The following DNAH3 variants were observed in gnomAD, a reference collection of about 807,000 sequenced individuals.
The protein encoded by DNAH3 is dynein axonemal heavy chain 3.
A neutral mutation model predicts 432.5 loss-of-function variants in DNAH3; 332 were observed. The ratio of observed to expected loss-of-function variants is 0.77; its 90% CI spans 0.70 to 0.84. The LOEUF (loss-of-function observed/expected upper bound fraction) is 0.84, where lower values mean the gene tolerates loss of function less well. DNAH3 is among the 40% of genes least tolerant of loss of function. DNAH3 has a pLI of 0.00. For missense variants in DNAH3, 4,861 were observed against 5,114.0 expected (o/e 0.95, Z 1.51); for synonymous variants, 1,956 against 1,900.2 (o/e 1.03, Z -0.76).
At chr16:21,025,271 T>A (rs1597171426) in intron 38 of DNAH3, among the ~76,000 whole-genome samples, 1 of 151,556 alleles carries the variant, frequency 6.6e-6, no homozygotes, top group East Asian at 1.9e-4. Context: ...TTTATTTTAG[T>A]TGTTTTTAAC....
rs761632207 is a variant in DNAH3 at position 21,037,943 on chromosome 16, A to G, written c.4768T>C (p.Ser1590Pro). Residue 1590 changes from serine (S) to proline (P), a missense_variant, in exon 34 of 62, where the codon TCG (serine) becomes CCG (proline). Physicochemically the swap from Ser to Pro is moderately conservative, Grantham distance 74. Transcript: ENST00000261383. ...TGATGCTGAGAGGACAGTTGTTCCG[A>G]GCACAGGCGGTAGGTCGCAACGATC... is the stretch of plus-strand genomic sequence containing the variant. The G allele has an allele frequency of 1.9e-6, 3 of 1,614,152 alleles. No individual in the cohort carries two copies. The East Asian group carries it at 6.7e-5, about 36-fold the overall frequency.
chr16:20,985,581 C>T (rs774524083), exon 48 of DNAH3: 91 of 1,614,080 alleles, frequency 5.6e-5, no homozygotes, highest in Non-Finnish European at 1.0e-5. Flanking sequence ...GCTCCATGAC[C>T]ACAGTCAGCT....
At chr16:20,989,933 G>A (rs1024544061) in intron 44 of DNAH3, among the ~76,000 whole-genome samples, 1 of 152,220 alleles carries the variant, frequency 6.6e-6, no homozygotes, top group African/African-American at 2.4e-5. Flanking sequence ...CGGCTGCTCC[G>A]AGTGCGGGGC....
intron 35 of DNAH3, 116 bp from the exon 36 acceptor site, chr16:21,034,201 T>C: frequency 4.6e-6 from 3 of 654,260 alleles, no homozygotes. Context: ...CAGTTGCTTC[T>C]ACCTCTGGAG....
chr16:20,990,098 C>CGGT (rs1283509775), intron 44 of DNAH3, among the ~76,000 whole-genome samples: 1 of 152,252 alleles, frequency 6.6e-6, no homozygotes, highest in African/African-American at 2.4e-5. Flanking sequence ...CATAGTGCAG[C>CGGT]GGTGGGCTGA....
intron 22 of DNAH3, among the ~76,000 whole-genome samples, chr16:21,070,178 A>G (rs2152762053): frequency 6.6e-6 from 1 of 152,330 alleles, no homozygotes; most frequent in Admixed American, 6.5e-5. Context: ...TATTTGGTGC[A>G]TTCAAATGCC....
At chr16:21,140,694 T>C (rs1334393073) in exon 5 of DNAH3, 1 of 1,614,086 alleles carries the variant, frequency 6.2e-7, no homozygotes, top group Non-Finnish European at 8.5e-7. Context: ...ATTGACGTCT[T>C]GAAGGCCAAC....
At chr16:21,143,559 C>A (rs2092746906) in intron 3 of DNAH3, among the ~76,000 whole-genome samples, 1 of 152,170 alleles carries the variant, frequency 6.6e-6, no homozygotes, top group African/African-American at 2.4e-5. Context: ...TTTGTTATAG[C>A]AGCCCAAAAG....
chr16:21,079,370 TC>T (rs1345675663), intron 20 of DNAH3, among the ~76,000 whole-genome samples: 1 of 152,206 alleles, frequency 6.6e-6, no homozygotes, highest in African/African-American at 2.4e-5. Context: ...ACGCCTGTAA[TC>T]CCAGTACTTT....
At chr16:21,032,286 G>A (rs1161934118) in intron 36 of DNAH3, among the ~76,000 whole-genome samples, 1 of 152,134 alleles carries the variant, frequency 6.6e-6, no homozygotes, top group Non-Finnish European at 1.5e-5. Context: ...GAAAAATGAT[G>A]GTTACTTTTC....
intron 36 of DNAH3, among the ~76,000 whole-genome samples, chr16:21,032,705 C>T (rs1004987314): frequency 2.6e-5 from 4 of 151,754 alleles, no homozygotes; most frequent in African/African-American, 9.7e-5. Context: ...CCCAGCTACC[C>T]GGGAGCCTGA....
intron 60 of DNAH3, 104 bp from the exon 61 acceptor site, chr16:20,935,589 T>A (rs1216906639): frequency 7.4e-7 from 1 of 1,357,772 alleles, no homozygotes; most frequent in South Asian, 1.4e-5. Context: ...TTTTCATATT[T>A]TTCTTGAAAC....
At chr16:21,093,091 C>T (rs1682893551) in intron 18 of DNAH3, among the ~76,000 whole-genome samples, 1 of 152,126 alleles carries the variant, frequency 6.6e-6, no homozygotes, top group Admixed American at 6.6e-5. Context: ...GATACCACTA[C>T]ACACCTATTA....
intron 3 of DNAH3, among the ~76,000 whole-genome samples, chr16:21,143,603 G>C (rs1255305861): frequency 6.6e-6 from 1 of 152,196 alleles, no homozygotes; most frequent in Admixed American, 6.5e-5. Flanking sequence ...TTACCAATTA[G>C]AGCAGCAAAC....
At chr16:20,978,345 A>G (rs964791475) in intron 50 of DNAH3, among the ~76,000 whole-genome samples, 1 of 152,154 alleles carries the variant, frequency 6.6e-6, no homozygotes, top group Non-Finnish European at 1.5e-5. Flanking sequence ...ACTGGCCAAC[A>G]TGGCAAAACC....
intron 18 of DNAH3, among the ~76,000 whole-genome samples, chr16:21,092,393 G>A (rs1193165311): frequency 6.6e-6 from 1 of 151,822 alleles, no homozygotes; most frequent in South Asian, 2.1e-4. Context: ...AACAAATAAA[G>A]ATGAAAAAAT....
In DNAH3 at chr16:21,142,964, C is replaced by T. The variant is rs556588601; in HGVS notation, c.449-1592G>A. Among the ~76,000 whole-genome samples the T allele has an allele frequency of 3.9e-4, 60 of 152,210 alleles. 1 individual carries two copies. The East Asian group carries it at 5.4e-3, about 14-fold the overall frequency. ...AAATAATACAGCAATAACAATATTG[C>T]TCCAAAATAAATTTTTAAGATCCTC... is the stretch of plus-strand genomic sequence containing the variant. On this transcript the variant is annotated intron_variant, in intron 3 of 61. Transcript: ENST00000261383.
At chr16:20,985,682 C>T (rs776961953) in exon 48 of DNAH3, 2 of 1,614,050 alleles carry the variant, frequency 1.2e-6, no homozygotes, top group South Asian at 1.1e-5. Flanking sequence ...TTATCATCGA[C>T]TATCTTTCCA....
At chr16:21,118,802 A>C (rs1288350535) in intron 11 of DNAH3, among the ~76,000 whole-genome samples, 1 of 152,044 alleles carries the variant, frequency 6.6e-6, no homozygotes, top group East Asian at 1.9e-4. Flanking sequence ...TAACTCCCTC[A>C]TGGCACGTGT....
Sources: gnomAD v4.1 joint callset for allele counts (sites outside exome capture counted in the v4.1 genomes callset) on GRCh38, gnomAD v4.1.1 for gene constraint, MANE v1.5 for transcripts, NCBI Gene and HGNC (gene_info 2026-07-23, HGNC 2026-07-21) for gene names.